FAM227B: variants seen among roughly 807,000 people sequenced by gnomAD.
FAM227B encodes family with sequence similarity 227 member B.
A neutral mutation model predicts 73.8 loss-of-function variants in FAM227B; 88 were observed. The observed-to-expected ratio is 1.19, with a 90% CI of 1.00 to 1.42. The LOEUF (loss-of-function observed/expected upper bound fraction) is 1.42, where lower values mean the gene tolerates loss of function less well. Ranked by LOEUF, FAM227B falls within the 40% of genes most tolerant of loss-of-function variation. The pLI is 0.00. For missense variants in FAM227B, 632 were observed against 590.9 expected (o/e 1.07, Z -0.72); for synonymous variants, 210 against 190.5 (o/e 1.10, Z -0.84).
At chr15:49,482,542 C>T (rs1290075806) in intron 11 of FAM227B, among the ~76,000 whole-genome samples, 2 of 151,882 alleles carry the variant, frequency 1.3e-5, no homozygotes, top group Admixed American at 6.6e-5. Flanking sequence ...TCTTCACTTT[C>T]AGTATATTCA....
intron 9 of FAM227B, among the ~76,000 whole-genome samples, chr15:49,559,330 G>T (rs2074042373): frequency 6.6e-6 from 1 of 152,126 alleles, no homozygotes; most frequent in South Asian, 2.1e-4. Context: ...GGCTCCAGCT[G>T]TGTCTCTCCA....
At chr15:49,444,009 A>G (rs886522459) in intron 11 of FAM227B, among the ~76,000 whole-genome samples, 3 of 151,690 alleles carry the variant, frequency 2.0e-5, no homozygotes, top group African/African-American at 4.8e-5. Flanking sequence ...ATTGTGCTGT[A>G]AATAAACACA....
chr15:49,393,860 G>A (rs1310854677), intron 11 of FAM227B, among the ~76,000 whole-genome samples: 1 of 152,122 alleles, frequency 6.6e-6, no homozygotes, highest in African/African-American at 2.4e-5. Flanking sequence ...GAAGGACTGA[G>A]TTCTAGTAAA....
chr15:49,594,257 C>T (rs1436831844), intron 3 of FAM227B, among the ~76,000 whole-genome samples: 7 of 151,942 alleles, frequency 4.6e-5, no homozygotes, highest in African/African-American at 1.2e-4. Flanking sequence ...ATCCTTAGCC[C>T]ACTTTTTGAT....
At chr15:49,444,608 A>G (rs1265795861) in intron 11 of FAM227B, among the ~76,000 whole-genome samples, 3 of 151,670 alleles carry the variant, frequency 2.0e-5, no homozygotes, top group African/African-American at 7.3e-5. Context: ...CTTGGTATCT[A>G]ATGAAGCCTA....
At chr15:49,430,653 G>A (rs2050527548) in intron 11 of FAM227B, among the ~76,000 whole-genome samples, 1 of 151,892 alleles carries the variant, frequency 6.6e-6, no homozygotes, top group African/African-American at 2.4e-5. Context: ...TTCCATGGTG[G>A]AAGGTAGAAG....
chr15:49,513,875 T>G (rs185266602), intron 10 of FAM227B, among the ~76,000 whole-genome samples: 214 of 152,324 alleles, frequency 1.4e-3, no homozygotes, highest in African/African-American at 5.0e-3. Flanking sequence ...TCGCTTGTTT[T>G]TGTCAGGTTT....
intron 9 of FAM227B, among the ~76,000 whole-genome samples, chr15:49,558,014 G>T (rs529129620): frequency 3.9e-4 from 59 of 152,280 alleles, no homozygotes; most frequent in African/African-American, 1.4e-3. Context: ...AACCTGGGTG[G>T]TCATGGCTCT....
At position 49,579,865 on chromosome 15, in the gene FAM227B, T is replaced by C. The variant is rs541310829; in HGVS notation, c.406-2201A>G. On this transcript the variant is annotated intron_variant, in intron 5 of 15. Transcript: ENST00000299338. ...CCTGATTTGATCATTACACATTGCATGCATGAATCAAAATATCACATGTAC... is the reference window on the plus strand; with the variant it reads ...CCTGATTTGATCATTACACATTGCACGCATGAATCAAAATATCACATGTAC... Among the ~76,000 whole-genome samples, 16 of 152,328 alleles carry C rather than the reference T, an allele frequency of 1.1e-4. No homozygotes were observed. In the Middle Eastern group the frequency reaches 0.01, roughly 97 times the overall value.
chr15:49,508,937 T>C (rs2034779439), intron 10 of FAM227B, among the ~76,000 whole-genome samples: 1 of 151,774 alleles, frequency 6.6e-6, no homozygotes. Flanking sequence ...TTCCCAAGAG[T>C]AGGGGGATGT....
At chr15:49,525,442 T>C (rs556675385) in intron 10 of FAM227B, among the ~76,000 whole-genome samples, 1 of 152,098 alleles carries the variant, frequency 6.6e-6, no homozygotes, top group Non-Finnish European at 1.5e-5. Flanking sequence ...ACCTTTTTCC[T>C]GTATGAATTA....
chr15:49,602,224 T>C (rs1170247968), intron 3 of FAM227B, among the ~76,000 whole-genome samples: 1 of 152,228 alleles, frequency 6.6e-6, no homozygotes, highest in Non-Finnish European at 1.5e-5. Context: ...CTTCAAATTG[T>C]TCACTGTAGT....
intron 9 of FAM227B, among the ~76,000 whole-genome samples, chr15:49,563,344 C>G (rs1723335383): frequency 6.6e-6 from 1 of 152,028 alleles, no homozygotes; most frequent in Admixed American, 6.6e-5. Context: ...TCATAGATGA[C>G]ATGAACAAAC....
chr15:49,397,999 A>G (rs1003604581), intron 11 of FAM227B, among the ~76,000 whole-genome samples: 2 of 152,188 alleles, frequency 1.3e-5, no homozygotes, highest in African/African-American at 2.4e-5. Context: ...ACATAACAAC[A>G]TTAACTTTAA....
intron 13 of FAM227B, among the ~76,000 whole-genome samples, chr15:49,336,811 T>C (rs2039795509): frequency 6.6e-6 from 1 of 152,284 alleles, no homozygotes; most frequent in African/African-American, 2.4e-5. Flanking sequence ...GTCATCCAGG[T>C]AGTGAGCACA....
intron 3 of FAM227B, among the ~76,000 whole-genome samples, chr15:49,599,327 CTTCT>C (rs1368852485): frequency 6.6e-6 from 1 of 151,668 alleles, no homozygotes; most frequent in Non-Finnish European, 1.5e-5. Flanking sequence ...TTGAATCTTT[CTTCT>C]TTTTTTCCCT....
intron 10 of FAM227B, among the ~76,000 whole-genome samples, chr15:49,525,669 T>TATAC (rs2060120381): frequency 2.2e-4 from 1 of 4,490 alleles, no homozygotes; most frequent in African/African-American, 5.2e-4. Flanking sequence ...TGGAGAAATA[T>TATAC]ATATATATAT....
intron 12 of FAM227B, among the ~76,000 whole-genome samples, chr15:49,369,349 C>T (rs1200558837): frequency 6.6e-6 from 1 of 152,056 alleles, no homozygotes; most frequent in Non-Finnish European, 1.5e-5. Flanking sequence ...AGCAGAAACC[C>T]TAATGTTTCC....
intron 14 of FAM227B, among the ~76,000 whole-genome samples, chr15:49,332,113 A>G (rs1190194098): frequency 6.7e-6 from 1 of 149,738 alleles, no homozygotes; most frequent in African/African-American, 2.5e-5. Flanking sequence ...ACACACACAC[A>G]CACACATCCA....
Sources: gnomAD v4.1 joint callset for allele counts (sites outside exome capture counted in the v4.1 genomes callset) on GRCh38, gnomAD v4.1.1 for gene constraint, MANE v1.5 for transcripts, NCBI Gene and HGNC (gene_info 2026-07-23, HGNC 2026-07-21) for gene names.